KCNH7: variants seen among roughly 807,000 people sequenced by gnomAD.
KCNH7 encodes potassium voltage-gated channel subfamily H member 7.
In KCNH7, 49 loss-of-function variants were observed where a neutral mutation model predicts 120.8. The ratio of observed to expected loss-of-function variants is 0.41; its 90% CI spans 0.32 to 0.51. The LOEUF is 0.51. KCNH7 is among the 20% of genes least tolerant of loss of function. The pLI is 0.38. For missense variants in KCNH7, 1,097 were observed against 1,446.6 expected (o/e 0.76, Z 3.92); for synonymous variants, 547 against 516.1 (o/e 1.06, Z -0.81).
chr2:162,438,462 T>C (rs1457614014), intron 7 of KCNH7, among the ~76,000 whole-genome samples: 2 of 152,122 alleles, frequency 1.3e-5, no homozygotes, highest in African/African-American at 4.8e-5. Context: ...GTTTAAGATA[T>C]ATGGGACATG....
intron 9 of KCNH7, 141 bp downstream of exon 9, chr2:162,423,195 T>C: frequency 6.5e-7 from 1 of 1,536,536 alleles, no homozygotes; most frequent in Non-Finnish European, 8.8e-7. Flanking sequence ...AATGAGAGAC[T>C]ATCTCCAGGG....
chr2:162,472,458 C>T (rs1456700084), intron 6 of KCNH7, among the ~76,000 whole-genome samples: 1 of 152,196 alleles, frequency 6.6e-6, no homozygotes, highest in Non-Finnish European at 1.5e-5. Context: ...CAAAAGAAGA[C>T]ATTTATGCAG....
At chr2:162,517,506 T>C (rs1238547713) in intron 4 of KCNH7, among the ~76,000 whole-genome samples, 1 of 151,828 alleles carries the variant, frequency 6.6e-6, no homozygotes, top group Non-Finnish European at 1.5e-5. Flanking sequence ...TATCATACTA[T>C]TTCAGAAATA....
chr2:162,725,285 TAAA>T (rs141698292), intron 2 of KCNH7, among the ~76,000 whole-genome samples: 1,899 of 152,268 alleles, frequency 0.012, 35 homozygotes, highest in African/African-American at 0.043. Flanking sequence ...ATCACATTGA[TAAA>T]AAAGTCTTCC....
At chr2:162,662,226 G>A (rs557836749) in intron 2 of KCNH7, among the ~76,000 whole-genome samples, 27 of 152,178 alleles carry the variant, frequency 1.8e-4, no homozygotes, top group African/African-American at 5.1e-4. Context: ...TCGCGTCACT[G>A]TACTCCAGCC....
At chr2:162,585,556 G>T (rs962879779) in intron 2 of KCNH7, among the ~76,000 whole-genome samples, 1 of 151,564 alleles carries the variant, frequency 6.6e-6, no homozygotes, top group Non-Finnish European at 1.5e-5. Context: ...ATTTTGAAAG[G>T]AAATAAAATT....
intron 2 of KCNH7, among the ~76,000 whole-genome samples, chr2:162,735,251 T>G (rs905105465): frequency 1.3e-5 from 2 of 152,186 alleles, no homozygotes; most frequent in African/African-American, 2.4e-5. Flanking sequence ...AAGAAAGCTA[T>G]GAGAGGAATT....
At chr2:162,511,682 A>G (rs1265609908) in intron 5 of KCNH7, among the ~76,000 whole-genome samples, 1 of 151,680 alleles carries the variant, frequency 6.6e-6, no homozygotes, top group African/African-American at 2.4e-5. Context: ...ATTAATTCAT[A>G]ACCATCACCA....
intron 2 of KCNH7, among the ~76,000 whole-genome samples, chr2:162,665,997 CT>C (rs970455150): frequency 1.3e-5 from 2 of 152,080 alleles, no homozygotes; most frequent in Admixed American, 1.3e-4. Flanking sequence ...TAGAGAAAAA[CT>C]TTTTTTCATT....
intron 3 of KCNH7, among the ~76,000 whole-genome samples, chr2:162,519,711 A>G (rs965374066): frequency 6.6e-6 from 1 of 151,824 alleles, no homozygotes; most frequent in Non-Finnish European, 1.5e-5. Context: ...TATTGTTCCC[A>G]CAGTAGTCTA....
chr2:162,542,245 CTTT>C (rs1184992456), intron 2 of KCNH7, among the ~76,000 whole-genome samples: 4 of 144,246 alleles, frequency 2.8e-5, no homozygotes, highest in Non-Finnish European at 6.1e-5. Context: ...TGATGAGCTT[CTTT>C]TTATTATTAT....
intron 12 of KCNH7, among the ~76,000 whole-genome samples, chr2:162,393,809 T>C (rs1278334127): frequency 6.6e-6 from 1 of 151,958 alleles, no homozygotes; most frequent in East Asian, 1.9e-4. Context: ...GGCGTGTCTA[T>C]CTCCCTCTCT....
At position 162,838,464 on chromosome 2, in the gene KCNH7, T is replaced by C; in HGVS notation, c.55A>G (p.Ile19Val). 6.2e-7 allele frequency: 1 copy of C among 1,613,926 alleles called. No individual in the cohort carries two copies. The highest frequency in any genetic ancestry group is 8.5e-7 in the Non-Finnish European group (1 of 1,179,932). Residue 19 changes from isoleucine to valine, a missense_variant, in exon 1 of 16, where the codon ATT becomes GTT. Physicochemically the swap from Ile to Val is conservative, Grantham distance 29. This residue lies in a region of KCNH7 where 57 missense variants were observed against 116.2 expected (regional missense o/e 0.49). Coordinates refer to ENST00000332142, the MANE Select transcript of KCNH7 (RefSeq NM_033272.4). ...TTACTTTGCCCTTCAAATTTCCGAA[T>C]GATGGTCCCCAGAAATGTATTTTGT... The part of the protein sequence containing the change: ...APQNTFLGTI[I>V]RKFEGQNKKF...
At chr2:162,429,134 T>C (rs1687972658) in intron 8 of KCNH7, among the ~76,000 whole-genome samples, 2 of 151,838 alleles carry the variant, frequency 1.3e-5, no homozygotes, top group African/African-American at 2.4e-5. Flanking sequence ...TTGTTAGCTA[T>C]AGTTGTAGGA....
intron 6 of KCNH7, among the ~76,000 whole-genome samples, chr2:162,470,141 G>C (rs955956634): frequency 1.3e-5 from 2 of 152,270 alleles, no homozygotes; most frequent in Non-Finnish European, 2.9e-5. Context: ...CGTCTGGGAA[G>C]TGAGGAGTGT....
intron 3 of KCNH7, among the ~76,000 whole-genome samples, chr2:162,532,124 A>G (rs1343565670): frequency 1.3e-5 from 2 of 151,980 alleles, no homozygotes; most frequent in Non-Finnish European, 1.5e-5. Flanking sequence ...ATGCTTATGC[A>G]GTAACTAGAG....
chr2:162,427,610 C>A (rs888064574), intron 8 of KCNH7, among the ~76,000 whole-genome samples: 4 of 151,670 alleles, frequency 2.6e-5, no homozygotes, highest in Admixed American at 2.6e-4. Flanking sequence ...CTTTTATGAT[C>A]TCGGTATTGA....
At chr2:162,380,085 G>A in intron 13 of KCNH7, 64 bp from the exon 14 acceptor site, 2 of 1,551,454 alleles carry the variant, frequency 1.3e-6, no homozygotes, top group Non-Finnish European at 1.8e-6. Context: ...ATAATTCATA[G>A]ATATCCACAA....
intron 2 of KCNH7, among the ~76,000 whole-genome samples, chr2:162,698,574 G>A (rs1686379291): frequency 1.3e-5 from 2 of 151,828 alleles, no homozygotes; most frequent in Admixed American, 6.6e-5. Flanking sequence ...AATCAACTGT[G>A]TTTGAGCAAA....
Sources: allele counts gnomAD v4.1 joint callset (sites outside exome capture counted in the v4.1 genomes callset), GRCh38; gene constraint gnomAD v4.1.1; regional missense constraint gnomAD v4.1.1; transcripts MANE v1.5; gene names NCBI Gene and HGNC (gene_info 2026-07-23, HGNC 2026-07-21).